Variants in MYO10 observed in about 807,000 individuals in gnomAD.
MYO10 encodes the protein unconventional myosin-X.
Under a neutral mutation model 257.3 loss-of-function variants are expected in MYO10, and 133 were observed. The observed-to-expected ratio is 0.52, with a 90% CI of 0.45 to 0.60. The LOEUF is 0.60. MYO10 is among the 20% of genes least tolerant of loss of function. MYO10 has a pLI of 0.00. For missense variants in MYO10, 2,399 were observed against 2,635.7 expected (o/e 0.91, Z 1.97); for synonymous variants, 1,104 against 1,028.6 (o/e 1.07, Z -1.40).
intron 3 of MYO10, among the ~76,000 whole-genome samples, chr5:16,802,149 A>G (rs1315378587): frequency 6.6e-6 from 1 of 152,152 alleles, no homozygotes; most frequent in African/African-American, 2.4e-5. Flanking sequence ...ATTGACAGAA[A>G]GTGGAAGGGT....
intron 10 of MYO10, among the ~76,000 whole-genome samples, chr5:16,766,648 T>A (rs1463844358): frequency 6.6e-6 from 1 of 152,048 alleles, no homozygotes; most frequent in Non-Finnish European, 1.5e-5. Flanking sequence ...GCCAGGATGG[T>A]CTCAATCTGT....
intron 4 of MYO10, among the ~76,000 whole-genome samples, chr5:16,791,955 G>A (rs995333171): frequency 2.6e-5 from 4 of 152,070 alleles, no homozygotes; most frequent in African/African-American, 4.8e-5. Flanking sequence ...ACTGCAAGCC[G>A]TTATGATCCC....
Position 16,769,139 on chromosome 5 carries a change from C to G in MYO10, c.995G>C (p.Gly332Ala). 1 of 1,612,656 alleles carries G rather than the reference C, an allele frequency of 6.2e-7. No homozygotes were observed. The highest frequency in any genetic ancestry group is 8.5e-7 in the Non-Finnish European group (1 of 1,179,422). Residue 332 changes from glycine to alanine, a missense_variant, in exon 10 of 41, where the codon GGT becomes GCT. Gly to Ala is a moderately conservative substitution (Grantham distance 60, BLOSUM62 0). This residue lies in a region of MYO10 where 337 missense variants were observed against 446.8 expected (regional missense o/e 0.75). Coordinates refer to ENST00000513610, the MANE Select transcript of MYO10 (RefSeq NM_012334.3). Reference sequence around the variant, plus strand: ...TTCTATGTTCCCAAGATGCAGTATACCAGCAAGCAGCCTCGACACTTCCCG... The same window carrying G: ...TTCTATGTTCCCAAGATGCAGTATAGCAGCAAGCAGCCTCGACACTTCCCG... ...EVREVSRLLA[G>A]ILHLGNIEFI...
At chr5:16,690,388 A>G (rs942161250) in intron 27 of MYO10, among the ~76,000 whole-genome samples, 3 of 152,130 alleles carry the variant, frequency 2.0e-5, no homozygotes, top group East Asian at 3.9e-4. Context: ...GGGACCTACA[A>G]TGGTTTTTCT....
intron 36 of MYO10, 110 bp downstream of exon 36, chr5:16,673,572 C>A: frequency 1.7e-6 from 2 of 1,187,684 alleles, no homozygotes; most frequent in Admixed American, 2.1e-5. Context: ...CTGTACTAAG[C>A]AAACTGCAAC....
At chr5:16,738,198 G>A (rs902497055) in intron 19 of MYO10, 2 of 985,268 alleles carry the variant, frequency 2.0e-6, no homozygotes, top group Middle Eastern at 1.0e-3. Flanking sequence ...TGAGAAACTG[G>A]GGGCAGAACC....
intron 3 of MYO10, among the ~76,000 whole-genome samples, chr5:16,813,543 C>G (rs1479902561): frequency 6.7e-6 from 1 of 149,914 alleles, no homozygotes; most frequent in Non-Finnish European, 1.5e-5. Context: ...AAAGTGAGAC[C>G]CTGGCTCTAA....
At chr5:16,823,696 A>T (rs75070406) in intron 2 of MYO10, among the ~76,000 whole-genome samples, 27,594 of 146,680 alleles carry the variant, frequency 0.19, 2,622 homozygotes, top group African/African-American at 0.23. Context: ...ATGGTCTCGA[A>T]CTCCTGACCT....
intron 19 of MYO10, among the ~76,000 whole-genome samples, chr5:16,716,601 T>C (rs992790899): frequency 2.6e-5 from 4 of 151,580 alleles, no homozygotes; most frequent in African/African-American, 7.3e-5. Flanking sequence ...AGTGAGTTTA[T>C]TATCCATGGA....
intron 3 of MYO10, among the ~76,000 whole-genome samples, chr5:16,812,781 G>C (rs2126699018): frequency 6.6e-6 from 1 of 152,064 alleles, no homozygotes; most frequent in South Asian, 2.1e-4. Context: ...TCCCTGTTAA[G>C]AGGGATTATG....
intron 33 of MYO10, among the ~76,000 whole-genome samples, chr5:16,678,572 C>G (rs1736842360): frequency 1.3e-5 from 2 of 152,168 alleles, no homozygotes; most frequent in Non-Finnish European, 2.9e-5. Context: ...AAGCAAGACT[C>G]CGTCCTCCGT....
At chr5:16,861,822 CA>C (rs761167078) in intron 2 of MYO10, among the ~76,000 whole-genome samples, 3 of 152,134 alleles carry the variant, frequency 2.0e-5, no homozygotes, top group African/African-American at 4.8e-5. Context: ...ACTCTGGATG[CA>C]AACCCCAATA....
chr5:16,826,536 C>T (rs886687331), intron 2 of MYO10, among the ~76,000 whole-genome samples: 1 of 152,162 alleles, frequency 6.6e-6, no homozygotes, highest in African/African-American at 2.4e-5. Context: ...GGAGCCCAGG[C>T]TCTGAAGATG....
intron 10 of MYO10, among the ~76,000 whole-genome samples, chr5:16,767,835 G>A (rs1322614388): frequency 2.6e-5 from 4 of 151,834 alleles, no homozygotes; most frequent in Admixed American, 6.6e-5. Context: ...ACACCACCAC[G>A]CCTGGCTAAT....
chr5:16,823,757 C>T (rs955514413), intron 2 of MYO10, among the ~76,000 whole-genome samples: 3 of 148,412 alleles, frequency 2.0e-5, no homozygotes, highest in African/African-American at 7.4e-5. Flanking sequence ...CAGGCGTGAG[C>T]CACTGCGCCT....
rs1554000155 is a variant in MYO10 at position 16,823,446 on chromosome 5, C to CAGGGG, written c.121-5280_121-5279insCCCCT. Among the ~76,000 whole-genome samples the CAGGGG allele has an allele frequency of 3.8e-3, 16 of 4,190 alleles. 2 individuals are homozygous for CAGGGG. The highest frequency in any genetic ancestry group is 0.012 in the East Asian group (1 of 82). The allele number at this position is 4,190 out of a possible 152,430, so 2.7% of individuals were successfully genotyped here. On this transcript the variant is annotated intron_variant, in intron 2 of 40. Transcript: ENST00000513610. The stretch of plus-strand genomic sequence containing the variant: ...GATGACAGGGCAAGACTCCATCTTG[C>CAGGGG]GCGGGGGGGGGGGGAGTGGGGATTT...
intron 1 of MYO10, among the ~76,000 whole-genome samples, chr5:16,931,524 G>A (rs961219042): frequency 6.6e-6 from 1 of 152,078 alleles, no homozygotes; most frequent in African/African-American, 2.4e-5. Context: ...ATGGAGTGAG[G>A]AAGCAGTCCT....
At chr5:16,821,406 C>T (rs1464394787) in intron 2 of MYO10, among the ~76,000 whole-genome samples, 1 of 146,762 alleles carries the variant, frequency 6.8e-6, no homozygotes, top group Non-Finnish European at 1.5e-5. Flanking sequence ...CTAGAGTTCC[C>T]CACCTTCATA....
intron 19 of MYO10, among the ~76,000 whole-genome samples, chr5:16,731,318 C>T (rs906472041): frequency 4.0e-5 from 6 of 151,504 alleles, no homozygotes; most frequent in Non-Finnish European, 5.9e-5. Flanking sequence ...GCTGGGATTA[C>T]AGGCATGAGC....
Sources: gnomAD v4.1 joint callset for allele counts (sites outside exome capture counted in the v4.1 genomes callset) on GRCh38, gnomAD v4.1.1 for gene constraint, gnomAD v4.1.1 regional missense constraint, MANE v1.5 for transcripts, NCBI Gene and HGNC (gene_info 2026-07-23, HGNC 2026-07-21) for gene names.